PDZD2: variants seen among roughly 807,000 people sequenced by gnomAD.
PDZD2 encodes PDZ domain-containing protein 2.
In PDZD2, 90 loss-of-function variants were observed where a neutral mutation model predicts 220.7. The observed-to-expected ratio is 0.41, with a 90% CI of 0.34 to 0.49. The LOEUF (loss-of-function observed/expected upper bound fraction) is 0.49, where lower values mean the gene tolerates loss of function less well. Among genes scored for constraint, PDZD2 ranks in the 20% least tolerant of loss-of-function variants. The pLI, the probability that PDZD2 is intolerant of heterozygous loss-of-function variation, is 0.28. For synonymous variants in PDZD2, 1,375 were observed against 1,450.5 expected (o/e 0.95, Z 1.18); for missense variants, 3,174 against 3,608.5 (o/e 0.88, Z 3.08).
chr5:31,769,435 C>T (rs368096805), intron 1 of PDZD2, among the ~76,000 whole-genome samples: 22 of 152,170 alleles, frequency 1.4e-4, no homozygotes, highest in African/African-American at 4.8e-4. Flanking sequence ...TTCCCGATTA[C>T]GAATTGTAAT....
At chr5:32,107,229 G>T (rs918980077) in intron 24 of PDZD2, 1 of 152,094 alleles carries the variant, frequency 6.6e-6, no homozygotes, top group Non-Finnish European at 1.5e-5. Context: ...TACAAAGCTA[G>T]ACAAAGCTAT....
intron 6 of PDZD2, among the ~76,000 whole-genome samples, chr5:32,019,114 A>G (rs2112126940): frequency 6.7e-6 from 1 of 149,250 alleles, no homozygotes; most frequent in South Asian, 2.1e-4. Flanking sequence ...CTAAGTAAAC[A>G]GCTCATGTCA....
rs541859832 is a variant in PDZD2 at position 32,000,579 on chromosome 5, C to T, written c.1254+308C>T. ...AGTCTGGAGTGCAATGGCGCAATCT[C>T]GGCTCACCGCAACCTCCACCTTCCG... On this transcript the variant is annotated intron_variant, in intron 5 of 24. Coordinates refer to ENST00000438447, the MANE Select transcript of PDZD2 (RefSeq NM_178140.4). This position sits in a 1 kb window ranked among gnomAD's most constrained non-coding sequence, Gnocchi z 4.5. Among the ~76,000 whole-genome samples, 3 of 152,208 alleles carry T rather than the reference C, an allele frequency of 2.0e-5. No homozygotes were observed. The highest frequency in any genetic ancestry group is 2.1e-4 in the South Asian group (1 of 4,826).
chr5:31,919,138 A>C (rs920235703), intron 2 of PDZD2, among the ~76,000 whole-genome samples: 5 of 152,334 alleles, frequency 3.3e-5, no homozygotes, highest in African/African-American at 1.2e-4. Context: ...GTTTTACTGG[A>C]GAGTCGCTGT....
chr5:31,751,361 T>G (rs1418807366), intron 1 of PDZD2, among the ~76,000 whole-genome samples: 2 of 151,918 alleles, frequency 1.3e-5, no homozygotes, highest in African/African-American at 2.4e-5. Context: ...GCAGGGGACC[T>G]TGCAATTAAG....
chr5:31,782,747 G>A (rs1015219874), intron 1 of PDZD2, among the ~76,000 whole-genome samples: 3 of 130,670 alleles, frequency 2.3e-5, no homozygotes, highest in Non-Finnish European at 4.7e-5. Flanking sequence ...AGAGTGTTGC[G>A]CTATCACCCA....
chr5:31,895,418 A>G (rs1741458135), intron 2 of PDZD2, among the ~76,000 whole-genome samples: 1 of 152,174 alleles, frequency 6.6e-6, no homozygotes. Flanking sequence ...GAAGACAGCC[A>G]TCTATGAATG....
intron 3 of PDZD2, among the ~76,000 whole-genome samples, chr5:31,995,182 T>C (rs1581234440): frequency 6.6e-6 from 1 of 152,262 alleles, no homozygotes; most frequent in East Asian, 1.9e-4. Context: ...CAGGACCCTG[T>C]TCAGGAAATT....
intron 2 of PDZD2, among the ~76,000 whole-genome samples, chr5:31,815,138 A>G (rs1755357490): frequency 6.6e-6 from 1 of 150,390 alleles, no homozygotes; most frequent in Non-Finnish European, 1.5e-5. Context: ...CCAGCTACTC[A>G]GGAGGCTGAG....
intron 2 of PDZD2, among the ~76,000 whole-genome samples, chr5:31,972,252 CAG>C (rs1242192881): frequency 6.6e-6 from 1 of 152,040 alleles, no homozygotes; most frequent in Non-Finnish European, 1.5e-5. Flanking sequence ...TAGCTAGGAC[CAG>C]AGGTGCACAC....
At chr5:32,045,531 A>G (rs1030103327) in intron 7 of PDZD2, among the ~76,000 whole-genome samples, 6 of 148,810 alleles carry the variant, frequency 4.0e-5, no homozygotes, top group African/African-American at 7.4e-5. Context: ...AGCGATTCTC[A>G]TGCCTCAGCC....
At chr5:31,768,713 G>A (rs1274861153) in intron 1 of PDZD2, among the ~76,000 whole-genome samples, 3 of 151,736 alleles carry the variant, frequency 2.0e-5, no homozygotes, top group Non-Finnish European at 2.9e-5. Flanking sequence ...ATGCCTGGTC[G>A]AAGGGTATGA....
chr5:31,882,459 G>A (rs1561538673), intron 2 of PDZD2, among the ~76,000 whole-genome samples: 1 of 152,144 alleles, frequency 6.6e-6, no homozygotes, highest in East Asian at 1.9e-4. Context: ...CATAAAGAAG[G>A]GGAGAGGGAG....
chr5:31,892,319 A>G (rs1176097059), intron 2 of PDZD2, among the ~76,000 whole-genome samples: 1 of 152,248 alleles, frequency 6.6e-6, no homozygotes, highest in Admixed American at 6.5e-5. Context: ...ACAGCAGGTC[A>G]AAGGACATGA....
At chr5:32,028,132 G>A (rs1202540644) in intron 6 of PDZD2, among the ~76,000 whole-genome samples, 1 of 152,064 alleles carries the variant, frequency 6.6e-6, no homozygotes, top group Non-Finnish European at 1.5e-5. Flanking sequence ...GACTAGGCAA[G>A]CTTGCACAAA....
chr5:31,767,604 G>A (rs1273361644), intron 1 of PDZD2, among the ~76,000 whole-genome samples: 1 of 152,162 alleles, frequency 6.6e-6, no homozygotes, highest in Admixed American at 6.5e-5. Context: ...GATTTTTGAG[G>A]TAATTGACCC....
intron 2 of PDZD2, among the ~76,000 whole-genome samples, chr5:31,897,573 C>T (rs1297341136): frequency 6.6e-6 from 1 of 152,204 alleles, no homozygotes; most frequent in East Asian, 1.9e-4. Context: ...TCACTGAGTG[C>T]TTCCTATTGA....
intron 2 of PDZD2, among the ~76,000 whole-genome samples, chr5:31,939,055 G>T (rs1301255930): frequency 6.6e-6 from 1 of 152,174 alleles, no homozygotes; most frequent in Non-Finnish European, 1.5e-5. Context: ...AGAGAAGAAT[G>T]GGGGTGGGGC....
chr5:31,986,465 G>C (rs2111898435), intron 3 of PDZD2, among the ~76,000 whole-genome samples: 1 of 152,160 alleles, frequency 6.6e-6, no homozygotes, highest in East Asian at 1.9e-4. Context: ...GATAGGGTTG[G>C]CAAAAAGTAG....
Sources: gnomAD v4.1 joint callset for allele counts (sites outside exome capture counted in the v4.1 genomes callset) on GRCh38, gnomAD v4.1.1 for gene constraint, Gnocchi (gnomAD v3.1) non-coding constraint, MANE v1.5 for transcripts, NCBI Gene and HGNC (gene_info 2026-07-23, HGNC 2026-07-21) for gene names.